Variants in VDAC2 observed in about 807,000 individuals in gnomAD.
VDAC2 encodes non-selective voltage-gated ion channel VDAC2.
VDAC2 carries 6 observed loss-of-function variants against 36.6 expected under a neutral mutation model. The ratio of observed to expected loss-of-function variants is 0.16; its 90% confidence interval spans 0.09 to 0.32. The LOEUF is 0.32. Among genes scored for constraint, VDAC2 ranks in the 10% least tolerant of loss-of-function variants. The pLI, the probability that VDAC2 is intolerant of heterozygous loss-of-function variation, is 1.00. For synonymous variants in VDAC2, 109 were observed against 123.8 expected (o/e 0.88, Z 0.79); for missense variants, 247 against 346.0 (o/e 0.71, Z 2.27).
chr10:75,211,025 TG>T, intron 1 of VDAC2, 87 bp downstream of exon 1: 1 of 1,095,628 alleles, frequency 9.1e-7, no homozygotes, highest in Non-Finnish European at 1.3e-6. Context: ...GAGTCGGCCC[TG>T]GCTTCCTAAG....
chr10:75,219,656 T>C (rs989704038), intron 6 of VDAC2, among the ~76,000 whole-genome samples: 12 of 152,026 alleles, frequency 7.9e-5, no homozygotes, highest in Admixed American at 5.9e-4. Context: ...AGCTAATTTT[T>C]GTATTTTTAG....
Position 75,212,244 on chromosome 10 carries a change from C to G in VDAC2, c.46C>G (p.Pro16Ala). 3 of 1,613,662 alleles carry G rather than the reference C, an allele frequency of 1.9e-6. No individual in the cohort carries two copies. Among genetic ancestry groups the G allele is most frequent in the East Asian group, 2.2e-5 (1 of 44,868 alleles). Residue 16 changes from proline (P) to alanine (A), a missense_variant, in exon 3 of 10, where the codon CCA becomes GCA. Coordinates refer to ENST00000332211, the MANE Select transcript of VDAC2 (RefSeq NM_001391963.1). ...TTTTCTACCAGCAATGTGTATTCCT[C>G]CATCATATGCTGACCTTGGCAAAGC... ...QTCARPMCIPPSYADLGKAAR... is the reference protein window; with the variant it reads ...QTCARPMCIPASYADLGKAAR...
chr10:75,225,168 A>G (rs1187413825), intron 8 of VDAC2, among the ~76,000 whole-genome samples: 1 of 152,220 alleles, frequency 6.6e-6, no homozygotes, highest in Non-Finnish European at 1.5e-5. Context: ...GAGGAACTGG[A>G]TCTCACTATC....
chr10:75,224,965 CTA>C (rs1841912356), intron 8 of VDAC2, among the ~76,000 whole-genome samples: 1 of 152,212 alleles, frequency 6.6e-6, no homozygotes, highest in Non-Finnish European at 1.5e-5. Flanking sequence ...GCAAATATCT[CTA>C]ATTCTTACTG....
chr10:75,211,405 A>G, intron 2 of VDAC2: 4 of 1,447,690 alleles, frequency 2.8e-6, no homozygotes, highest in Non-Finnish European at 2.7e-6. Context: ...CTGTGGCCGC[A>G]TGGACTTTTC....
chr10:75,228,510 C>T (rs57248513), intron 8 of VDAC2, among the ~76,000 whole-genome samples: 11,649 of 152,082 alleles, frequency 0.077, 621 homozygotes, highest in African/African-American at 0.14. Context: ...CCGCCTTGGC[C>T]TCCCAAAGTG....
At chr10:75,215,348 G>A (rs1841568335) in intron 4 of VDAC2, among the ~76,000 whole-genome samples, 1 of 151,730 alleles carries the variant, frequency 6.6e-6, no homozygotes, top group African/African-American at 2.4e-5. Flanking sequence ...TATATAGAGA[G>A]AGAGAGACTT....
rs1410423096 is a variant in VDAC2 at position 75,229,630 on chromosome 10, G to C, written c.736-14G>C. The stretch of plus-strand genomic sequence containing the variant: ...AAATATTTTTCTTACAGTTGTTTTT[G>C]TATTTTATTTTAGGCAAAAGTCAAC... On this transcript the variant is annotated splice_polypyrimidine_tract_variant and intron_variant, in intron 8 of 9. Transcript: ENST00000332211. 6.3e-7 allele frequency: 1 copy of C among 1,588,860 alleles called. No homozygotes were observed. Among genetic ancestry groups the C allele is most frequent in the Non-Finnish European group, 8.6e-7 (1 of 1,167,972 alleles).
At chr10:75,212,569 C>G (rs1013498570) in intron 3 of VDAC2, among the ~76,000 whole-genome samples, 3 of 152,150 alleles carry the variant, frequency 2.0e-5, no homozygotes, top group African/African-American at 7.2e-5. Flanking sequence ...CAGGCACGCT[C>G]TGCCACACCT....
intron 2 of VDAC2, chr10:75,211,404 C>T: frequency 6.9e-7 from 1 of 1,444,120 alleles, no homozygotes; most frequent in South Asian, 1.5e-5. Flanking sequence ...TCTGTGGCCG[C>T]ATGGACTTTT....
chr10:75,211,972 T>C (rs1841437534), intron 2 of VDAC2, among the ~76,000 whole-genome samples: 1 of 152,262 alleles, frequency 6.6e-6, no homozygotes, highest in African/African-American at 2.4e-5. Flanking sequence ...AGTGAGGCTG[T>C]AGGTAATAGA....
intron 8 of VDAC2, among the ~76,000 whole-genome samples, chr10:75,226,321 G>A (rs190690987): frequency 6.6e-6 from 1 of 152,200 alleles, no homozygotes; most frequent in African/African-American, 2.4e-5. Flanking sequence ...CTGGCTCACA[G>A]CTTCTATAAC....
intron 8 of VDAC2, 69 bp downstream of exon 8, chr10:75,222,471 A>G: frequency 6.4e-7 from 1 of 1,568,744 alleles, no homozygotes; most frequent in Non-Finnish European, 8.7e-7. Flanking sequence ...ATACTGAATT[A>G]TGTTGAAAAT....
At chr10:75,211,706 G>A in intron 2 of VDAC2, 1 of 1,543,782 alleles carries the variant, frequency 6.5e-7, no homozygotes, top group Non-Finnish European at 8.8e-7. Context: ...AGACATTTGA[G>A]TGAAACACAC....
chr10:75,213,392 GTTAT>G (rs1312330086), intron 3 of VDAC2, among the ~76,000 whole-genome samples: 2 of 152,166 alleles, frequency 1.3e-5, no homozygotes, highest in Non-Finnish European at 2.9e-5. Context: ...ATCATGATAA[GTTAT>G]TAGCTATTCT....
At position 75,217,904 on chromosome 10, in the gene VDAC2, C is replaced by T. The variant is rs757276418; in HGVS notation, c.151-1159C>T. On this transcript the variant is annotated intron_variant, in intron 4 of 9. Transcript: ENST00000332211. The stretch of plus-strand genomic sequence containing the variant: ...ACTCTACAGATATCACAATTTCTGG[C>T]TGTAGTCTCTTTATTATTTTCACAT... 2.6e-5 allele frequency: 33 copies of T among 1,286,540 alleles called. No individual in the cohort carries two copies. The South Asian group carries it at 3.3e-4, about 13-fold the overall frequency. The allele number at this position is 1,286,540 out of a possible 1,614,324, so 79.7% of individuals were successfully genotyped here.
chr10:75,211,697 G>C (rs777492962), intron 2 of VDAC2: 1 of 1,548,946 alleles, frequency 6.5e-7, no homozygotes, highest in African/African-American at 1.4e-5. Context: ...AGTTGATGTA[G>C]ACATTTGAGT....
At chr10:75,227,968 C>T (rs1842007806) in intron 8 of VDAC2, among the ~76,000 whole-genome samples, 1 of 151,440 alleles carries the variant, frequency 6.6e-6, no homozygotes, top group African/African-American at 2.4e-5. Flanking sequence ...GATCTCCACT[C>T]ACTGCAACCT....
intron 4 of VDAC2, among the ~76,000 whole-genome samples, chr10:75,215,716 GT>G (rs1396569219): frequency 1.4e-5 from 2 of 147,532 alleles, no homozygotes. Flanking sequence ...TAGTTTTTTT[GT>G]TTTGTTTTTT....
Sources: gnomAD v4.1 joint callset for allele counts (sites outside exome capture counted in the v4.1 genomes callset) on GRCh38, gnomAD v4.1.1 for gene constraint, MANE v1.5 for transcripts, NCBI Gene and HGNC (gene_info 2026-07-23, HGNC 2026-07-21) for gene names.